The following RRBP1 variants were observed in gnomAD, a reference collection of about 807,000 sequenced individuals.
The protein encoded by RRBP1 is ribosome-binding protein 1.
Under a neutral mutation model 165.2 loss-of-function variants are expected in RRBP1, and 94 were observed. The observed-to-expected ratio is 0.57, with a 90% CI of 0.48 to 0.68. The LOEUF (loss-of-function observed/expected upper bound fraction) is 0.68. Among genes scored for constraint, RRBP1 ranks in the 30% least tolerant of loss-of-function variants. The pLI, the probability that RRBP1 is intolerant of heterozygous loss-of-function variation, is 0.00. For synonymous variants in RRBP1, 680 were observed against 714.5 expected, an observed-to-expected ratio of 0.95 and a Z score of 0.77; for missense variants, 1,676 against 1,763.0, an observed-to-expected ratio of 0.95 and a Z score of 0.88.
rs531860027 is a variant in RRBP1, at chr20:17,635,686, C to A, written c.2338-22G>T. Reference sequence around the variant, plus strand: ...GGATCTGGAAAGTCACGGGCAAGGGCATCAGAGGCAGCTCGGCCTCACACA... The same window carrying A: ...GGATCTGGAAAGTCACGGGCAAGGGAATCAGAGGCAGCTCGGCCTCACACA... On this transcript the variant is annotated intron_variant, in intron 6 of 24. Coordinates refer to ENST00000377813, the MANE Select transcript of RRBP1 (RefSeq NM_001365613.2). The A allele has an allele frequency of 3.0e-5, 48 of 1,581,102 alleles. 2 individuals carry two copies. The South Asian group carries it at 4.4e-4, about 15-fold the overall frequency.
chr20:17,644,070 C>A (rs1016913644), intron 3 of RRBP1, among the ~76,000 whole-genome samples: 1 of 148,860 alleles, frequency 6.7e-6, no homozygotes, highest in Non-Finnish European at 1.5e-5. Flanking sequence ...AAGGAGAGGG[C>A]TGGTTTCCAT....
At chr20:17,615,557 G>A (rs776674760) in intron 22 of RRBP1, 28 bp from the exon 23 acceptor site, 1 of 1,567,090 alleles carries the variant, frequency 6.4e-7, no homozygotes. Flanking sequence ...TGAGGTCTGG[G>A]TGAGACGTCT....
chr20:17,640,025 G>A (rs998054139), intron 5 of RRBP1, among the ~76,000 whole-genome samples: 3 of 152,124 alleles, frequency 2.0e-5, no homozygotes, highest in African/African-American at 7.2e-5. Context: ...TTTACAAGAA[G>A]ACAATGTAAA....
At chr20:17,633,427 C>A in intron 8 of RRBP1, 33 bp downstream of exon 8, 1 of 1,601,360 alleles carries the variant, frequency 6.2e-7, no homozygotes, top group Admixed American at 1.7e-5. Context: ...GGGCAGTGAA[C>A]AGGGCACTGA....
intron 19 of RRBP1, 138 bp downstream of exon 19, chr20:17,619,495 C>G: frequency 1.7e-6 from 1 of 590,572 alleles, no homozygotes; most frequent in South Asian, 2.4e-5. Flanking sequence ...GCCTGTGAGG[C>G]TTCGGGCAAA....
At chr20:17,629,723 G>A in intron 9 of RRBP1, 100 bp downstream of exon 9, 1 of 1,290,588 alleles carries the variant, frequency 7.7e-7, no homozygotes, top group Non-Finnish European at 1.1e-6. Context: ...TCACCCAACA[G>A]GCCTAACCCA....
At chr20:17,641,653 A>T in intron 5 of RRBP1, 144 bp downstream of exon 5, 3 of 991,354 alleles carry the variant, frequency 3.0e-6, no homozygotes, top group Non-Finnish European at 4.7e-6. Flanking sequence ...GCAGATAAGC[A>T]GCAGTCCCTA....
chr20:17,669,371 G>A (rs2036931675), intron 2 of RRBP1, among the ~76,000 whole-genome samples: 1 of 152,216 alleles, frequency 6.6e-6, no homozygotes, highest in African/African-American at 2.4e-5. Context: ...GAGGAAGACA[G>A]CATGCCTATG....
chr20:17,674,396 G>C (rs772649911), intron 2 of RRBP1, among the ~76,000 whole-genome samples: 8 of 151,784 alleles, frequency 5.3e-5, no homozygotes, highest in African/African-American at 9.7e-5. Context: ...GGCAGGAGAG[G>C]AACCTTGACC....
In RRBP1 at chr20:17,618,775, A is replaced by G. The variant is rs962871214; in HGVS notation, c.3676-96T>C. The G allele has an allele frequency of 7.5e-6, 7 of 931,308 alleles. No individual in the cohort carries two copies. The African/African-American group carries it at 9.7e-5, about 13-fold the overall frequency. 57.7% of individuals were successfully genotyped at this position (931,308 alleles called of 1,614,324 possible). ...AGCGCCGAAACATAAAACCTAACAC[A>G]TCCACTTAACCAAAACCCTGAGGAG... On this transcript the variant is annotated intron_variant, in intron 19 of 24. Transcript: ENST00000377813.
At chr20:17,653,983 C>G (rs973543454) in intron 3 of RRBP1, among the ~76,000 whole-genome samples, 1 of 152,178 alleles carries the variant, frequency 6.6e-6, no homozygotes, top group Non-Finnish European at 1.5e-5. Context: ...GAGAAAAGCA[C>G]ACTGCACAGT....
chr20:17,620,350 A>T lies in RRBP1; in HGVS notation c.3528T>A (p.His1176Gln). 2 of 1,613,812 alleles carry T rather than the reference A, an allele frequency of 1.2e-6. No homozygotes were observed. The highest frequency in any genetic ancestry group is 1.7e-6 in the Non-Finnish European group (2 of 1,179,904). ...ELQKSRVTVK[H>Q]LEEIVEKLKG... is the part of the protein sequence containing the mutation. ...TTAGCTTCTCTACAATCTCTTCGAG[A>T]TGCTTCACTGTGACCCGGGACTACA... The change falls in exon 18 of 25, where the codon CAT becomes CAA. Residue 1176 changes from histidine to glutamine, a missense_variant. His to Gln is a conservative substitution (Grantham distance 24, BLOSUM62 0). This residue lies in a region of RRBP1 where 1,184 missense variants were observed against 1,167.1 expected (regional missense o/e 1.01). Transcript: ENST00000377813.
rs1046946547 is a variant in RRBP1 at position 17,641,036 on chromosome 20, G to A, written c.2184+761C>T. On this transcript the variant is annotated intron_variant, in intron 5 of 24. Coordinates refer to ENST00000377813, the MANE Select transcript of RRBP1 (RefSeq NM_001365613.2). ...CATGGGGCAAAGACGGCTTTCAACA[G>A]GGCCTGACCAGTCCCAGAGGGCCAG... 2.6e-5 allele frequency among the ~76,000 whole-genome samples: 4 copies of A among 152,196 alleles called. No homozygotes were observed. The East Asian group carries it at 7.7e-4, about 29-fold the overall frequency.
chr20:17,618,526 T>C, intron 20 of RRBP1, 70 bp downstream of exon 20: 2 of 1,175,544 alleles, frequency 1.7e-6, no homozygotes, highest in South Asian at 1.2e-5. Flanking sequence ...AACGCATGAC[T>C]GGCAAATGCA....
chr20:17,644,043 C>A (rs1455349867), intron 3 of RRBP1, among the ~76,000 whole-genome samples: 7 of 148,808 alleles, frequency 4.7e-5, no homozygotes. Flanking sequence ...CTCAGCTGAG[C>A]CCACCTTGGG....
At chr20:17,647,363 C>T (rs990767549) in intron 3 of RRBP1, among the ~76,000 whole-genome samples, 5 of 152,326 alleles carry the variant, frequency 3.3e-5, no homozygotes, top group Admixed American at 6.5e-5. Flanking sequence ...GGTAAGGACA[C>T]GGTGAGGGGC....
chr20:17,663,567 T>A (rs541344739), intron 2 of RRBP1, among the ~76,000 whole-genome samples: 25 of 152,270 alleles, frequency 1.6e-4, no homozygotes, highest in African/African-American at 6.0e-4. Context: ...AGTAATACAC[T>A]GAAACATTTA....
intron 2 of RRBP1, among the ~76,000 whole-genome samples, chr20:17,664,048 C>T (rs953660423): frequency 6.6e-6 from 1 of 152,100 alleles, no homozygotes; most frequent in Non-Finnish European, 1.5e-5. Context: ...ACCTACATAC[C>T]TATGATGAAA....
chr20:17,616,127 C>T (rs776844638), intron 21 of RRBP1, 118 bp from the exon 22 acceptor site: 58 of 824,578 alleles, frequency 7.0e-5, no homozygotes, highest in Non-Finnish European at 9.9e-5. Context: ...CCTGCCCCAA[C>T]GCTCCCCTCG....
Sources: allele counts gnomAD v4.1 joint callset (sites outside exome capture counted in the v4.1 genomes callset), GRCh38; gene constraint gnomAD v4.1.1; regional missense constraint gnomAD v4.1.1; transcripts MANE v1.5; gene names NCBI Gene and HGNC (gene_info 2026-07-23, HGNC 2026-07-21).